Variants in CHIC2 observed in about 807,000 individuals in gnomAD.
CHIC2 encodes cysteine rich hydrophobic domain 2.
A neutral mutation model predicts 25.9 loss-of-function variants in CHIC2; 14 were observed. The observed-to-expected ratio is 0.54, with a 90% CI of 0.36 to 0.85. CHIC2 has a LOEUF of 0.85. CHIC2 is among the 40% of genes least tolerant of loss of function. The pLI, the probability that CHIC2 is intolerant of heterozygous loss-of-function variation, is 0.01. For missense variants in CHIC2, 146 were observed against 202.0 expected (o/e 0.72, Z 1.68); for synonymous variants, 70 against 72.0 (o/e 0.97, Z 0.14).
chr4:54,046,574 G>T (rs913475131), intron 3 of CHIC2, among the ~76,000 whole-genome samples: 6 of 152,286 alleles, frequency 3.9e-5, no homozygotes, highest in African/African-American at 1.4e-4. Context: ...AATAAAGGGT[G>T]CTGGGAAAAC....
intron 3 of CHIC2, among the ~76,000 whole-genome samples, chr4:54,019,920 A>G (rs1273896221): frequency 6.6e-6 from 1 of 152,194 alleles, no homozygotes; most frequent in Non-Finnish European, 1.5e-5. Flanking sequence ...CAAAAAATTA[A>G]GAGATAAAAA....
chr4:54,013,746 T>C lies in CHIC2; in HGVS notation c.447+91A>G, dbSNP rs1197831650. The C allele has an allele frequency of 6.0e-6, 8 of 1,335,672 alleles. No homozygotes were observed. In the African/African-American group the frequency reaches 1.2e-4, roughly 19 times the overall value. The allele number at this position is 1,335,672 out of a possible 1,614,324, so 82.7% of individuals were successfully genotyped here. A position where few individuals can be genotyped will look rare whatever the true frequency, so the allele number is the denominator to read the frequency against. Reference sequence around the variant, plus strand: ...TCAGGAGATTAAGCTCCTGACACCTTTGCTGATTAATAATCATGGAAAGAA... The same window carrying C: ...TCAGGAGATTAAGCTCCTGACACCTCTGCTGATTAATAATCATGGAAAGAA... On this transcript the variant is annotated intron_variant, in intron 5 of 5. Coordinates refer to ENST00000263921, the MANE Select transcript of CHIC2 (RefSeq NM_012110.4).
At chr4:54,031,765 A>G (rs978445689) in intron 3 of CHIC2, among the ~76,000 whole-genome samples, 2 of 151,854 alleles carry the variant, frequency 1.3e-5, no homozygotes, top group Non-Finnish European at 2.9e-5. Context: ...GATTACAGGC[A>G]CGTGTCACCA....
chr4:54,064,745 G>A (rs1348665658), upstream of CHIC2: 4 of 695,568 alleles, frequency 5.8e-6, no homozygotes, highest in Non-Finnish European at 7.1e-6. The surrounding 1 kb of genome is among the most constrained non-coding windows in gnomAD (Gnocchi z 4.2). Flanking sequence ...GCGCGCACGT[G>A]CGGCCTCGCG....
chr4:54,028,288 G>T (rs944454576), intron 3 of CHIC2, among the ~76,000 whole-genome samples: 1 of 152,080 alleles, frequency 6.6e-6, no homozygotes, highest in Non-Finnish European at 1.5e-5. Flanking sequence ...CTGCTGGTAG[G>T]TATAAAGTCA....
At chr4:54,020,437 C>T (rs569963260) in intron 3 of CHIC2, among the ~76,000 whole-genome samples, 8 of 152,298 alleles carry the variant, frequency 5.3e-5, no homozygotes, top group African/African-American at 1.9e-4. Context: ...CCCGCCTGCA[C>T]CCAGGTGAAA....
At chr4:54,023,279 C>G (rs2110065489) in intron 3 of CHIC2, among the ~76,000 whole-genome samples, 1 of 152,298 alleles carries the variant, frequency 6.6e-6, no homozygotes, top group East Asian at 1.9e-4. Flanking sequence ...GGCTGGCCAT[C>G]ATGTCTCCGT....
the CHIC2 span, among the ~76,000 whole-genome samples, chr4:54,078,294 T>C: frequency 6.6e-6 from 1 of 152,226 alleles, no homozygotes; most frequent in East Asian, 1.9e-4. Flanking sequence ...ATTTTGATGG[T>C]TGTGTTGAAC....
At chr4:54,022,449 T>G (rs1336897697) in intron 3 of CHIC2, among the ~76,000 whole-genome samples, 3 of 152,070 alleles carry the variant, frequency 2.0e-5, no homozygotes, top group Non-Finnish European at 4.4e-5. Flanking sequence ...CTGTTGTGGG[T>G]ATTGATGGCC....
chr4:54,074,044 G>A, the CHIC2 span, among the ~76,000 whole-genome samples: 2 of 152,048 alleles, frequency 1.3e-5, no homozygotes, highest in Non-Finnish European at 2.9e-5. Flanking sequence ...TGTAGTCCCA[G>A]TTACTCAGGA....
intron 1 of CHIC2, among the ~76,000 whole-genome samples, chr4:54,051,476 T>C (rs534844538): frequency 1.3e-5 from 2 of 152,252 alleles, no homozygotes; most frequent in African/African-American, 4.8e-5. Flanking sequence ...CCATGCTCCG[T>C]AGTTGTTGTG....
At chr4:54,031,944 C>T (rs1716240707) in intron 3 of CHIC2, among the ~76,000 whole-genome samples, 1 of 151,918 alleles carries the variant, frequency 6.6e-6, no homozygotes, top group African/African-American at 2.4e-5. Flanking sequence ...CTTAAAACAA[C>T]ACTACAAAGA....
At chr4:54,070,472 G>T in the CHIC2 span, among the ~76,000 whole-genome samples, 1 of 151,700 alleles carries the variant, frequency 6.6e-6, no homozygotes, top group African/African-American at 2.4e-5. Flanking sequence ...GCCCAGGCTG[G>T]AGTGCAATGG....
the CHIC2 span, among the ~76,000 whole-genome samples, chr4:54,072,249 C>T: frequency 6.6e-6 from 1 of 151,804 alleles, no homozygotes; most frequent in African/African-American, 2.4e-5. Flanking sequence ...TTGCAGTGAG[C>T]CGAGATTGCG....
chr4:54,074,894 G>C, the CHIC2 span, among the ~76,000 whole-genome samples: 2 of 152,120 alleles, frequency 1.3e-5, no homozygotes, highest in African/African-American at 4.8e-5. Flanking sequence ...AATTGTTTGA[G>C]CCCAGGAGTT....
chr4:54,088,976 G>A, the CHIC2 span, among the ~76,000 whole-genome samples: 1 of 152,186 alleles, frequency 6.6e-6, no homozygotes, highest in African/African-American at 2.4e-5. Context: ...TGAGGGTAAT[G>A]CAGGAACCTG....
chr4:54,013,949 A>G, intron 4 of CHIC2, 53 bp from the exon 5 acceptor site: 6 of 1,596,972 alleles, frequency 3.8e-6, no homozygotes, highest in Non-Finnish European at 5.1e-6. Context: ...TTATTGCAGC[A>G]CACAGACTAA....
intron 3 of CHIC2, among the ~76,000 whole-genome samples, chr4:54,043,225 T>A (rs895401683): frequency 1.3e-5 from 2 of 152,018 alleles, no homozygotes; most frequent in African/African-American, 4.8e-5. Flanking sequence ...ATTGAGACCA[T>A]CCTGCCTAAC....
intron 3 of CHIC2, among the ~76,000 whole-genome samples, chr4:54,033,205 G>A (rs1716286833): frequency 6.6e-6 from 1 of 152,132 alleles, no homozygotes; most frequent in Non-Finnish European, 1.5e-5. Context: ...AGCAATGCAA[G>A]AACAGACTAA....
Sources: gnomAD v4.1 joint callset for allele counts (sites outside exome capture counted in the v4.1 genomes callset) on GRCh38, gnomAD v4.1.1 for gene constraint, Gnocchi (gnomAD v3.1) non-coding constraint, MANE v1.5 for transcripts, NCBI Gene and HGNC (gene_info 2026-07-23, HGNC 2026-07-21) for gene names.